Variants in TOX observed in about 807,000 individuals in gnomAD.
TOX encodes the protein thymocyte selection associated high mobility group box, also known as thymocyte selection-associated high mobility group box protein TOX.
TOX carries 11 observed loss-of-function variants against 53.7 expected under a neutral mutation model. The observed-to-expected ratio is 0.20, with a 90% CI of 0.13 to 0.34. TOX has a LOEUF of 0.34. Among genes scored for constraint, TOX ranks in the 10% least tolerant of loss-of-function variants. TOX has a pLI of 1.00. For synonymous variants in TOX, 225 were observed against 245.3 expected (o/e 0.92, Z 0.77); for missense variants, 570 against 664.6 (o/e 0.86, Z 1.56).
At chr8:58,871,560 A>G (rs1363345563) in intron 3 of TOX, among the ~76,000 whole-genome samples, 1 of 152,216 alleles carries the variant, frequency 6.6e-6, no homozygotes, top group Non-Finnish European at 1.5e-5. Context: ...AGAGAAGTCC[A>G]TAAGACTAAA....
At chr8:59,036,660 T>C (rs1393717274) in intron 1 of TOX, among the ~76,000 whole-genome samples, 1 of 152,178 alleles carries the variant, frequency 6.6e-6, no homozygotes, top group Non-Finnish European at 1.5e-5. Flanking sequence ...TCAGATGTAT[T>C]AGGTAATTCA....
At chr8:59,084,651 G>A (rs528887052) in intron 1 of TOX, among the ~76,000 whole-genome samples, 1 of 152,242 alleles carries the variant, frequency 6.6e-6, no homozygotes, top group East Asian at 1.9e-4. Context: ...CTCCTTTAAA[G>A]CCACTAAAAT....
intron 1 of TOX, among the ~76,000 whole-genome samples, chr8:59,104,255 T>C (rs956640615): frequency 6.6e-6 from 1 of 152,114 alleles, no homozygotes; most frequent in Non-Finnish European, 1.5e-5. Context: ...AGTTCTAATC[T>C]TTTCACGCCC....
intron 3 of TOX, among the ~76,000 whole-genome samples, chr8:58,889,413 G>A (rs959942595): frequency 2.6e-5 from 4 of 151,946 alleles, no homozygotes; most frequent in African/African-American, 9.7e-5. Context: ...AAAAGAAAAA[G>A]TCAGGGTTAG....
intron 3 of TOX, among the ~76,000 whole-genome samples, chr8:58,868,692 G>C (rs1027284755): frequency 6.6e-6 from 1 of 152,064 alleles, no homozygotes; most frequent in Admixed American, 6.6e-5. Context: ...GCAGTGCTTA[G>C]AGGAAAATTT....
intron 1 of TOX, among the ~76,000 whole-genome samples, chr8:59,054,738 C>T (rs1015702957): frequency 3.2e-5 from 4 of 126,602 alleles, no homozygotes; most frequent in African/African-American, 1.0e-4. Context: ...AAATGTTCTC[C>T]ACCAAGTACC....
chr8:58,831,555 G>A (rs112419522), intron 5 of TOX, among the ~76,000 whole-genome samples: 44 of 152,260 alleles, frequency 2.9e-4, no homozygotes, highest in African/African-American at 9.4e-4. Flanking sequence ...TATTAGAACA[G>A]GTATATGGTA....
intron 3 of TOX, among the ~76,000 whole-genome samples, chr8:58,926,870 A>G (rs28616757): frequency 0.03 from 1,972 of 65,806 alleles, 56 homozygotes; most frequent in African/African-American, 0.088. Context: ...GAAGACTGGT[A>G]TAATTTAAAT....
At chr8:59,001,762 G>C (rs992998163) in intron 1 of TOX, among the ~76,000 whole-genome samples, 1 of 151,788 alleles carries the variant, frequency 6.6e-6, no homozygotes, top group African/African-American at 2.4e-5. Flanking sequence ...ATAACTATAA[G>C]GTCAATCAGA....
intron 1 of TOX, among the ~76,000 whole-genome samples, chr8:59,057,686 G>T (rs1362179880): frequency 6.6e-6 from 1 of 152,106 alleles, no homozygotes; most frequent in African/African-American, 2.4e-5. Context: ...TTATATATAT[G>T]AATGCTGGGA....
chr8:59,044,003 T>A (rs1273177955), intron 1 of TOX, among the ~76,000 whole-genome samples: 2 of 152,188 alleles, frequency 1.3e-5, no homozygotes, highest in African/African-American at 4.8e-5. Flanking sequence ...TACTCTTCCT[T>A]TTTTCTGTTC....
chr8:58,893,782 A>T (rs1349114), intron 3 of TOX, among the ~76,000 whole-genome samples: 4 of 152,214 alleles, frequency 2.6e-5, no homozygotes. Context: ...ATACAACTGA[A>T]CATTGGACTG....
intron 1 of TOX, among the ~76,000 whole-genome samples, chr8:59,104,279 T>G (rs1804856945): frequency 6.6e-6 from 1 of 152,128 alleles, no homozygotes; most frequent in South Asian, 2.1e-4. Context: ...AATCCTAAAC[T>G]GTACCTGGCT....
intron 3 of TOX, among the ~76,000 whole-genome samples, chr8:58,874,657 A>C (rs910750453): frequency 6.6e-6 from 1 of 152,230 alleles, no homozygotes; most frequent in African/African-American, 2.4e-5. Context: ...GAGGTCATGA[A>C]AAACTTTTAG....
intron 1 of TOX, among the ~76,000 whole-genome samples, chr8:58,981,782 C>T (rs375858456): frequency 6.6e-6 from 1 of 152,090 alleles, no homozygotes. Context: ...AAACTGAACT[C>T]TTTCTTCCTT....
intron 1 of TOX, among the ~76,000 whole-genome samples, chr8:59,032,369 T>G (rs1814374575): frequency 6.6e-6 from 1 of 152,230 alleles, no homozygotes; most frequent in Non-Finnish European, 1.5e-5. Context: ...TACTATTATA[T>G]TAATGACACA....
intron 1 of TOX, among the ~76,000 whole-genome samples, chr8:59,058,789 A>G (rs1803928919): frequency 1.3e-5 from 2 of 152,232 alleles, no homozygotes; most frequent in Non-Finnish European, 1.5e-5. Flanking sequence ...GCCACTATCC[A>G]GCAAGAGCCT....
chr8:59,043,916 A>C (rs1052929321), intron 1 of TOX, among the ~76,000 whole-genome samples: 19 of 152,216 alleles, frequency 1.2e-4, no homozygotes, highest in African/African-American at 4.3e-4. Context: ...AAGACTTATG[A>C]ATGGATACTT....
rs114338630 is a variant in TOX at position 59,032,232 on chromosome 8, G to A, written c.103-72224C>T. On this transcript the variant is annotated intron_variant, in intron 1 of 8. Coordinates refer to ENST00000361421, the MANE Select transcript of TOX (RefSeq NM_014729.3). ...CTAAGTAACTAGGATGGAAATACTGGGGAAAGAACAGTTTAAGGAAAAAGT... is the reference window on the plus strand; with the variant it reads ...CTAAGTAACTAGGATGGAAATACTGAGGAAAGAACAGTTTAAGGAAAAAGT... 3.7e-3 allele frequency among the ~76,000 whole-genome samples: 556 copies of A among 150,480 alleles called. 6 individuals are homozygous for A. Among genetic ancestry groups the A allele is most frequent in the African/African-American group, 0.013 (533 of 41,372 alleles).
Sources: gnomAD v4.1 joint callset for allele counts (sites outside exome capture counted in the v4.1 genomes callset) on GRCh38, gnomAD v4.1.1 for gene constraint, MANE v1.5 for transcripts, NCBI Gene and HGNC (gene_info 2026-07-23, HGNC 2026-07-21) for gene names.